TUSC3: variants seen among roughly 807,000 people sequenced by gnomAD.
TUSC3 encodes tumor suppressor candidate 3, also known as dolichyl-diphosphooligosaccharide--protein glycosyltransferase subunit TUSC3.
In TUSC3, 45 loss-of-function variants were observed where a neutral mutation model predicts 44.8. The observed-to-expected ratio is 1.00, with a 90% CI of 0.79 to 1.29. The LOEUF (loss-of-function observed/expected upper bound fraction) is 1.29. TUSC3 is among the 50% of genes most tolerant of loss of function. The probability of loss-of-function intolerance (pLI) is 0.00; values close to 1 mark genes in which losing one functional copy is unlikely to be tolerated. For missense variants in TUSC3, 519 were observed against 437.9 expected (o/e 1.19, Z -1.65); for synonymous variants, 212 against 152.9 (o/e 1.39, Z -2.85).
the TUSC3 span, among the ~76,000 whole-genome samples, chr8:15,816,294 T>C: frequency 4.6e-5 from 7 of 152,142 alleles, no homozygotes; most frequent in Non-Finnish European, 1.0e-4. Context: ...ATTCTTTGAG[T>C]TGGGCCATCC....
rs1345376349 is a variant in TUSC3, at chr8:15,523,664, A to ATATGTG, written n.189+40182_189+40183insATGTGT. Among the ~76,000 whole-genome samples, 336 of 42,364 alleles carry ATATGTG rather than the reference A, an allele frequency of 7.9e-3. 2 individuals are homozygous for ATATGTG. Among genetic ancestry groups the ATATGTG allele is most frequent in the African/African-American group, 0.027 (313 of 11,438 alleles). 27.8% of individuals were successfully genotyped at this position (42,364 alleles called of 152,430 possible). On this transcript the variant is annotated intron_variant and non_coding_transcript_variant, in intron 2 of 5. Transcript: ENST00000503191. ...CATATATATATATATATATATATAT[A>ATATGTG]TGTGTGTGTGTGTGTGTGTGTGTGT...
At chr8:15,839,619 T>C in the TUSC3 span, among the ~76,000 whole-genome samples, 2 of 152,190 alleles carry the variant, frequency 1.3e-5, no homozygotes, top group Non-Finnish European at 2.9e-5. Flanking sequence ...AACAGATACA[T>C]GACAAAATGC....
chr8:15,602,175 A>G (rs1804315288), intron 1 of TUSC3, among the ~76,000 whole-genome samples: 1 of 151,586 alleles, frequency 6.6e-6, no homozygotes, highest in Non-Finnish European at 1.5e-5. Flanking sequence ...AAAAAGTCTG[A>G]AGTCCAAAAT....
intron 1 of TUSC3, among the ~76,000 whole-genome samples, chr8:15,581,139 T>G (rs1442026539): frequency 3.2e-5 from 4 of 126,452 alleles, no homozygotes; most frequent in East Asian, 2.2e-4. Flanking sequence ...ATTCTTCACG[T>G]AGTTCTCGAG....
intron 6 of TUSC3, among the ~76,000 whole-genome samples, chr8:15,726,030 C>T (rs1810483154): frequency 6.6e-6 from 1 of 152,112 alleles, no homozygotes; most frequent in South Asian, 2.1e-4. Context: ...TTTGGTCCAC[C>T]ATAGCCATTC....
intron 4 of TUSC3, among the ~76,000 whole-genome samples, chr8:15,660,070 G>C (rs954305112): frequency 2.6e-5 from 4 of 151,928 alleles, no homozygotes; most frequent in Non-Finnish European, 5.9e-5. Context: ...CTATAAATTG[G>C]TGTAACCATA....
chr8:15,432,990 C>T (rs1451727477), intron 1 of TUSC3, among the ~76,000 whole-genome samples: 1 of 152,068 alleles, frequency 6.6e-6, no homozygotes, highest in Non-Finnish European at 1.5e-5. Flanking sequence ...TTTCCCTTCC[C>T]CTGCCAGGAG....
intron 6 of TUSC3, among the ~76,000 whole-genome samples, chr8:15,725,244 T>A (rs1366876296): frequency 6.6e-6 from 1 of 152,166 alleles, no homozygotes; most frequent in African/African-American, 2.4e-5. Flanking sequence ...TGTATTATTG[T>A]CTTCAAAATA....
At chr8:15,775,717 C>T in the TUSC3 span, among the ~76,000 whole-genome samples, 1 of 142,490 alleles carries the variant, frequency 7.0e-6, no homozygotes, top group Non-Finnish European at 1.5e-5. Flanking sequence ...CATATATATA[C>T]ACACACAAAC....
intron 1 of TUSC3, among the ~76,000 whole-genome samples, chr8:15,589,053 T>C (rs753452853): frequency 1.3e-5 from 2 of 152,148 alleles, no homozygotes; most frequent in African/African-American, 4.8e-5. Flanking sequence ...AGTTTATCAT[T>C]ATGCAACGAC....
At chr8:15,773,920 A>G in the TUSC3 span, among the ~76,000 whole-genome samples, 897 of 152,298 alleles carry the variant, frequency 5.9e-3, 9 homozygotes, top group African/African-American at 0.02. Context: ...TCAACGATGT[A>G]AACTTAAGGG....
At chr8:15,693,092 T>A (rs1022015723) in intron 6 of TUSC3, among the ~76,000 whole-genome samples, 1 of 152,326 alleles carries the variant, frequency 6.6e-6, no homozygotes, top group African/African-American at 2.4e-5. Flanking sequence ...TACCATTGGT[T>A]CTTGATTCTT....
At chr8:15,717,845 T>A (rs1810118287) in intron 6 of TUSC3, among the ~76,000 whole-genome samples, 1 of 152,064 alleles carries the variant, frequency 6.6e-6, no homozygotes, top group South Asian at 2.1e-4. Flanking sequence ...GGAGGTTAAC[T>A]CAAGCGCAGA....
chr8:15,537,619 G>A (rs1359473166), upstream of TUSC3, among the ~76,000 whole-genome samples: 2 of 152,188 alleles, frequency 1.3e-5, no homozygotes, highest in Non-Finnish European at 2.9e-5. Flanking sequence ...TACAAAATGG[G>A]AGACAGAAAA....
chr8:15,569,499 G>A (rs1023493354), intron 1 of TUSC3, among the ~76,000 whole-genome samples: 1 of 152,096 alleles, frequency 6.6e-6, no homozygotes, highest in African/African-American at 2.4e-5. Flanking sequence ...CCTGACATCT[G>A]GATCTGGGCA....
At chr8:15,417,417 A>G (rs1389521976) in intron 1 of TUSC3, 1 of 152,254 alleles carries the variant, frequency 6.6e-6, no homozygotes, top group African/African-American at 2.4e-5. Flanking sequence ...TAAACTCTGC[A>G]AAGTCACAGT....
chr8:15,752,776 G>C (rs532552986), intron 9 of TUSC3, among the ~76,000 whole-genome samples: 1 of 152,082 alleles, frequency 6.6e-6, no homozygotes, highest in South Asian at 2.1e-4. Flanking sequence ...AATAACATGA[G>C]GTCAAATGTA....
At chr8:15,610,644 A>G (rs1225768646) in intron 1 of TUSC3, among the ~76,000 whole-genome samples, 2 of 152,252 alleles carry the variant, frequency 1.3e-5, no homozygotes, top group African/African-American at 4.8e-5. Flanking sequence ...CCTTTGAACC[A>G]GAGAATAAAT....
intron 1 of TUSC3, among the ~76,000 whole-genome samples, chr8:15,441,587 C>G (rs919337056): frequency 3.9e-5 from 6 of 152,142 alleles, no homozygotes; most frequent in African/African-American, 1.4e-4. Context: ...ATAGGCTATG[C>G]TGAGAATTAA....
Sources: gnomAD v4.1 joint callset for allele counts (sites outside exome capture counted in the v4.1 genomes callset) on GRCh38, gnomAD v4.1.1 for gene constraint, MANE v1.5 for transcripts, NCBI Gene and HGNC (gene_info 2026-07-23, HGNC 2026-07-21) for gene names.